The following GRIK2 variants were observed in gnomAD, a reference collection of about 807,000 sequenced individuals.
GRIK2 encodes the protein glutamate receptor ionotropic, kainate 2.
GRIK2 carries 32 observed loss-of-function variants against 100.3 expected under a neutral mutation model. The ratio of observed to expected loss-of-function variants is 0.32; its 90% CI spans 0.24 to 0.43. The LOEUF is 0.43. Among genes scored for constraint, GRIK2 ranks in the 20% least tolerant of loss-of-function variants. GRIK2 has a pLI of 1.00. For missense variants in GRIK2, 843 were observed against 1,114.9 expected (o/e 0.76, Z 3.47); for synonymous variants, 417 against 389.4 (o/e 1.07, Z -0.83).
intron 4 of GRIK2, among the ~76,000 whole-genome samples, chr6:101,635,327 T>TA (rs1224979132): frequency 6.6e-6 from 1 of 152,062 alleles, no homozygotes; most frequent in African/African-American, 2.4e-5. Flanking sequence ...TAAGCAATCA[T>TA]AAAAATTTTT....
At chr6:101,965,079 A>C (rs1368898165) in intron 14 of GRIK2, among the ~76,000 whole-genome samples, 1 of 152,170 alleles carries the variant, frequency 6.6e-6, no homozygotes, top group Non-Finnish European at 1.5e-5. Context: ...GGTGTGGTGT[A>C]GAACTGGAAA....
In GRIK2 at chr6:101,713,140, A is replaced by G. The variant is rs185596923; in HGVS notation, c.951+26787A>G. Among the ~76,000 whole-genome samples the G allele has an allele frequency of 1.8e-4, 27 of 151,946 alleles. No homozygotes were observed. In the East Asian group the frequency reaches 3.7e-3, roughly 21 times the overall value. On this transcript the variant is annotated intron_variant, in intron 7 of 16. Coordinates refer to ENST00000369134, the MANE Select transcript of GRIK2 (RefSeq NM_021956.5). ...AGGCTGTCAGCAAACCAATGGGACT[A>G]TGACGAAAGGCCAGCATCCACTGTC...
intron 11 of GRIK2, among the ~76,000 whole-genome samples, chr6:101,876,009 T>TTGTGTGTGTGTG (rs3054436): frequency 6.7e-6 from 1 of 148,824 alleles, no homozygotes; most frequent in African/African-American, 2.5e-5. Context: ...GTTTATGTGT[T>TTGTGTGTGTGTG]TGTGTGTGTG....
intron 10 of GRIK2, among the ~76,000 whole-genome samples, chr6:101,857,574 G>A (rs1431359852): frequency 6.6e-6 from 1 of 152,192 alleles, no homozygotes; most frequent in Non-Finnish European, 1.5e-5. Context: ...GGGGAAGAGG[G>A]TGAGCACATT....
At chr6:102,045,533 A>G (rs1770839450) in intron 15 of GRIK2, among the ~76,000 whole-genome samples, 1 of 152,114 alleles carries the variant, frequency 6.6e-6, no homozygotes, top group Admixed American at 6.6e-5. Context: ...TTAGCCAACT[A>G]TAAATGACAC....
intron 2 of GRIK2, among the ~76,000 whole-genome samples, chr6:101,440,495 C>G (rs1769985357): frequency 6.6e-6 from 1 of 152,124 alleles, no homozygotes; most frequent in Admixed American, 6.6e-5. Context: ...GGTTAATCAA[C>G]TAATTCTAAG....
At chr6:101,673,046 C>T (rs1231764002) in intron 4 of GRIK2, among the ~76,000 whole-genome samples, 1 of 152,146 alleles carries the variant, frequency 6.6e-6, no homozygotes, top group East Asian at 1.9e-4. Flanking sequence ...CACAACTTCA[C>T]CAGCATGTTA....
intron 12 of GRIK2, among the ~76,000 whole-genome samples, chr6:101,899,450 T>C (rs963821234): frequency 1.2e-4 from 18 of 151,936 alleles, no homozygotes; most frequent in African/African-American, 4.1e-4. Flanking sequence ...TTCAAGCCTA[T>C]AGTTATTTTT....
chr6:101,643,657 C>T (rs969583721), intron 4 of GRIK2, among the ~76,000 whole-genome samples: 1 of 151,234 alleles, frequency 6.6e-6, no homozygotes, highest in African/African-American at 2.4e-5. Flanking sequence ...AAATCAGGAA[C>T]TATGAGATCT....
chr6:101,536,155 A>G (rs899623178), intron 2 of GRIK2, among the ~76,000 whole-genome samples: 1 of 151,646 alleles, frequency 6.6e-6, no homozygotes, highest in Non-Finnish European at 1.5e-5. Flanking sequence ...ATGTGTGTGA[A>G]CTTGCTTTTG....
At position 101,842,153 on chromosome 6, in the gene GRIK2, A is replaced by G. The variant is rs778051578; in HGVS notation, c.1318-17134A>G. Among the ~76,000 whole-genome samples, 133 of 152,216 alleles carry G rather than the reference A, an allele frequency of 8.7e-4. 1 individual carries two copies. Among genetic ancestry groups the G allele is most frequent in the South Asian group, 2.1e-4 (1 of 4,834 alleles). ...CCACAGGGTAATCTAAAATTAAAAC[A>G]TAATAAATGGTGTTCTTCGTTGCTA... is the stretch of plus-strand genomic sequence containing the variant. On this transcript the variant is annotated intron_variant, in intron 10 of 16. Transcript: ENST00000369134.
At chr6:101,643,883 CA>C (rs1781399032) in intron 4 of GRIK2, among the ~76,000 whole-genome samples, 1 of 151,616 alleles carries the variant, frequency 6.6e-6, no homozygotes, top group South Asian at 2.1e-4. Flanking sequence ...AATAAAACAA[CA>C]TTTATTTGTC....
intron 4 of GRIK2, among the ~76,000 whole-genome samples, chr6:101,632,186 G>C (rs1043730691): frequency 6.6e-6 from 1 of 152,060 alleles, no homozygotes; most frequent in Non-Finnish European, 1.5e-5. Context: ...CTGCTTTCAA[G>C]TCTGGAATAG....
At chr6:101,998,812 C>CTTTTTTTTTTTTTTTTTTTTTTGT (rs755522043) in intron 14 of GRIK2, among the ~76,000 whole-genome samples, 1 of 110,062 alleles carries the variant, frequency 9.1e-6, no homozygotes. Flanking sequence ...TTTTTCTTTT[C>CTTTTTTTTTTTTTTTTTTTTTTGT]TTTTTTTTTT....
chr6:101,907,980 T>C (rs1178811254), intron 12 of GRIK2, among the ~76,000 whole-genome samples: 3 of 151,608 alleles, frequency 2.0e-5, no homozygotes, highest in Non-Finnish European at 3.0e-5. Flanking sequence ...TCCTTCTTCA[T>C]TTTCTGTAAG....
At chr6:101,487,602 C>T (rs1157218929) in intron 2 of GRIK2, among the ~76,000 whole-genome samples, 1 of 147,048 alleles carries the variant, frequency 6.8e-6, no homozygotes, top group Non-Finnish European at 1.5e-5. Context: ...CACAGTGCGA[C>T]TTGCATATAC....
intron 14 of GRIK2, among the ~76,000 whole-genome samples, chr6:101,979,694 A>C (rs1253953045): frequency 6.6e-6 from 1 of 151,942 alleles, no homozygotes; most frequent in East Asian, 2.0e-4. Flanking sequence ...TTCTTCTAGC[A>C]TGCACACCCC....
chr6:101,414,121 C>A (rs1220024229), intron 2 of GRIK2, among the ~76,000 whole-genome samples: 1 of 152,254 alleles, frequency 6.6e-6, no homozygotes, highest in African/African-American at 2.4e-5. Flanking sequence ...CAAGTGCACA[C>A]AATAATATGT....
At chr6:101,522,982 T>C (rs1037671767) in intron 2 of GRIK2, among the ~76,000 whole-genome samples, 1 of 151,704 alleles carries the variant, frequency 6.6e-6, no homozygotes, top group East Asian at 1.9e-4. Flanking sequence ...GCTTGCAATC[T>C]TCCAGTTAGA....
Sources: gnomAD v4.1 joint callset for allele counts (sites outside exome capture counted in the v4.1 genomes callset) on GRCh38, gnomAD v4.1.1 for gene constraint, MANE v1.5 for transcripts, NCBI Gene and HGNC (gene_info 2026-07-23, HGNC 2026-07-21) for gene names.